CAMSAP2: variants seen among roughly 807,000 people sequenced by gnomAD.
CAMSAP2 encodes the protein calmodulin-regulated spectrin-associated protein 2.
A neutral mutation model predicts 146.1 loss-of-function variants in CAMSAP2; 26 were observed. The observed-to-expected ratio is 0.18, with a 90% CI of 0.13 to 0.25. The LOEUF (loss-of-function observed/expected upper bound fraction) is 0.25. Ranked by LOEUF, CAMSAP2 falls within the 10% of genes least tolerant of loss-of-function variation. The pLI is 1.00. For synonymous variants in CAMSAP2, 499 were observed against 596.6 expected, an observed-to-expected ratio of 0.84 and a Z score of 2.38; for missense variants, 1,381 against 1,759.3, an observed-to-expected ratio of 0.78 and a Z score of 3.85.
chr1:200,756,709 A>C (rs1052874184), intron 1 of CAMSAP2, among the ~76,000 whole-genome samples: 1 of 152,204 alleles, frequency 6.6e-6, no homozygotes, highest in Non-Finnish European at 1.5e-5. Flanking sequence ...GATTACTAGC[A>C]CAGAATCAGG....
At position 200,856,195 on chromosome 1, in the gene CAMSAP2, A is replaced by T. The variant is rs1413773386; in HGVS notation, c.4012+70A>T. Reference sequence around the variant, plus strand: ...CTCATAAATGGAGGGTGTACTAAAGAAAATTTTATTGGCTCACCTTTGGGT... The same window carrying T: ...CTCATAAATGGAGGGTGTACTAAAGTAAATTTTATTGGCTCACCTTTGGGT... On this transcript the variant is annotated intron_variant, in intron 15 of 16. Transcript: ENST00000358823. 7.2e-6 allele frequency: 8 copies of T among 1,114,904 alleles called. No individual in the cohort carries two copies. In the African/African-American group the frequency reaches 1.2e-4, roughly 17 times the overall value. 69.1% of individuals were successfully genotyped at this position (1,114,904 alleles called of 1,614,324 possible).
At chr1:200,807,643 C>G (rs1666215311) in intron 3 of CAMSAP2, 106 bp downstream of exon 3, 4 of 749,960 alleles carry the variant, frequency 5.3e-6, no homozygotes, top group Non-Finnish European at 7.5e-6. Context: ...AATCAAAGTG[C>G]AAACTTAAGT....
In CAMSAP2 at chr1:200,817,187, C is replaced by CATATAAGTGTGTGTATAT. The variant is rs1558192103; in HGVS notation, c.645+1544_645+1545insTATAAGTGTGTGTATATA. 9.4e-4 allele frequency among the ~76,000 whole-genome samples: 67 copies of CATATAAGTGTGTGTATAT among 71,598 alleles called. 2 individuals are homozygous for CATATAAGTGTGTGTATAT. The highest frequency in any genetic ancestry group is 1.2e-3 in the Admixed American group (9 of 7,356). 47.0% of individuals were successfully genotyped at this position (71,598 alleles called of 152,430 possible). The stretch of plus-strand genomic sequence containing the variant: ...ACACGTGTGTGTATATACACACACA[C>CATATAAGTGTGTGTATAT]ACATGTGTGTGTGTATACACACATA... On this transcript the variant is annotated intron_variant, in intron 4 of 16. Transcript: ENST00000358823.
At chr1:200,787,815 C>T (rs1192035133) in intron 2 of CAMSAP2, among the ~76,000 whole-genome samples, 1 of 152,188 alleles carries the variant, frequency 6.6e-6, no homozygotes, top group Non-Finnish European at 1.5e-5. Flanking sequence ...CCATCCCCTC[C>T]TTCAGCAATC....
Position 200,739,735 on chromosome 1 carries a change from A to G in CAMSAP2, c.-93A>G. 1 of 1,289,828 alleles carries G rather than the reference A, an allele frequency of 7.8e-7. No individual in the cohort carries two copies. Among genetic ancestry groups the G allele is most frequent in the South Asian group, 1.5e-5 (1 of 67,928 alleles). 79.9% of individuals were successfully genotyped at this position (1,289,828 alleles called of 1,614,324 possible). On this transcript the variant is annotated 5_prime_UTR_variant, in exon 1 of 17. The change abolishes the stop of an existing upstream ORF in the 5' untranslated region. Coordinates refer to ENST00000358823, the MANE Select transcript of CAMSAP2 (RefSeq NM_203459.4). The surrounding 1 kb of genome is among the most constrained non-coding windows in gnomAD (Gnocchi z 4.8). The stretch of plus-strand genomic sequence containing the variant: ...ACATCGCCCGGGCCCCGATGGTTTG[A>G]GCTTGCTTCTCCCTCCCTCCCGACC...
At chr1:200,792,253 C>A (rs954204559) in intron 2 of CAMSAP2, among the ~76,000 whole-genome samples, 1 of 152,096 alleles carries the variant, frequency 6.6e-6, no homozygotes, top group Non-Finnish European at 1.5e-5. Context: ...ATTTCATAAT[C>A]TGAAATAATT....
intron 2 of CAMSAP2, among the ~76,000 whole-genome samples, chr1:200,783,551 C>T (rs879501186): frequency 9.2e-5 from 14 of 152,122 alleles, no homozygotes; most frequent in Non-Finnish European, 1.3e-4. Context: ...GGCATGATCA[C>T]GGCTCACTGC....
At chr1:200,740,043 ATCCC>A in intron 1 of CAMSAP2, 77 bp downstream of exon 1, 3 of 1,501,978 alleles carry the variant, frequency 2.0e-6, no homozygotes, top group South Asian at 1.2e-5. Flanking sequence ...CGATTCTCGA[ATCCC>A]TCCCTCCCCG....
At chr1:200,816,097 C>T (rs1055437664) in intron 4 of CAMSAP2, among the ~76,000 whole-genome samples, 1 of 151,662 alleles carries the variant, frequency 6.6e-6, no homozygotes, top group African/African-American at 2.4e-5. Context: ...AGTTCAAGAC[C>T]AGCCTGACAA....
intron 2 of CAMSAP2, among the ~76,000 whole-genome samples, chr1:200,785,731 A>G (rs2103026401): frequency 1.3e-5 from 2 of 149,276 alleles, no homozygotes; most frequent in South Asian, 4.2e-4. Flanking sequence ...TCCGTTGTCC[A>G]GGCTGGAGTG....
At chr1:200,797,812 G>A (rs1271653613) in intron 2 of CAMSAP2, among the ~76,000 whole-genome samples, 32 of 120,272 alleles carry the variant, frequency 2.7e-4, no homozygotes, top group South Asian at 6.2e-4. Flanking sequence ...TAGGTCTAAC[G>A]TTTAAGTCTT....
chr1:200,837,345 GA>G, intron 6 of CAMSAP2, among the ~76,000 whole-genome samples: 1 of 152,042 alleles, frequency 6.6e-6, no homozygotes, highest in East Asian at 1.9e-4. Context: ...GTTGAATAGG[GA>G]GTCCTTCCCC....
rs543887294 is a variant in CAMSAP2 at position 200,795,997 on chromosome 1, G to C, written c.400-11379G>C. ...TAAAATAAAAATAGCAGTTTTGTGCGATCAGTTGTTTAAGCATATGTCATA... is the reference window on the plus strand; with the variant it reads ...TAAAATAAAAATAGCAGTTTTGTGCCATCAGTTGTTTAAGCATATGTCATA... On this transcript the variant is annotated intron_variant, in intron 2 of 16. Transcript: ENST00000358823. Among the ~76,000 whole-genome samples the C allele has an allele frequency of 7.9e-5, 12 of 152,224 alleles. No individual in the cohort carries two copies. In the East Asian group the frequency reaches 1.7e-3, roughly 22 times the overall value.
intron 2 of CAMSAP2, among the ~76,000 whole-genome samples, chr1:200,792,713 A>G (rs892784461): frequency 1.3e-5 from 2 of 152,242 alleles, no homozygotes; most frequent in Admixed American, 6.5e-5. Context: ...CATTTATATA[A>G]ACATTCTTGA....
At chr1:200,821,184 T>C in intron 4 of CAMSAP2, among the ~76,000 whole-genome samples, 1 of 151,828 alleles carries the variant, frequency 6.6e-6, no homozygotes, top group East Asian at 1.9e-4. Flanking sequence ...TCTTCTTCTT[T>C]TTTTTTTTTC....
At chr1:200,840,562 C>T (rs755348235) in intron 6 of CAMSAP2, among the ~76,000 whole-genome samples, 7 of 152,192 alleles carry the variant, frequency 4.6e-5, no homozygotes, top group Non-Finnish European at 1.0e-4. Flanking sequence ...CTGCGCCCAG[C>T]CTCTTTTCTT....
intron 3 of CAMSAP2, among the ~76,000 whole-genome samples, 155 bp from the exon 4 acceptor site, chr1:200,815,406 A>C (rs1034092603): frequency 7.2e-5 from 11 of 152,058 alleles, no homozygotes; most frequent in African/African-American, 2.7e-4. Context: ...TTTTTTTCTG[A>C]TTGTGAAGCT....
At chr1:200,790,918 C>G (rs1448160323) in intron 2 of CAMSAP2, among the ~76,000 whole-genome samples, 2 of 152,022 alleles carry the variant, frequency 1.3e-5, no homozygotes, top group Admixed American at 6.6e-5. Flanking sequence ...CATCTTGGCT[C>G]ACTGTAACCT....
rs1302427546 is a variant in CAMSAP2, at chr1:200,769,504, A to G, written c.399+8406A>G. 3.3e-5 allele frequency among the ~76,000 whole-genome samples: 5 copies of G among 152,128 alleles called. No individual in the cohort carries two copies. The South Asian group carries it at 1.0e-3, about 31-fold the overall frequency. On this transcript the variant is annotated intron_variant, in intron 2 of 16. Coordinates refer to ENST00000358823, the MANE Select transcript of CAMSAP2 (RefSeq NM_203459.4). ...CCCACAGGTTGAGGGCTTAGTCCCCAAGACTACCCCACCACCACACCAGTC... is the reference window on the plus strand; with the variant it reads ...CCCACAGGTTGAGGGCTTAGTCCCCGAGACTACCCCACCACCACACCAGTC...
Sources: gnomAD v4.1 joint callset for allele counts (sites outside exome capture counted in the v4.1 genomes callset) on GRCh38, gnomAD v4.1.1 for gene constraint, Gnocchi (gnomAD v3.1) non-coding constraint, MANE v1.5 for transcripts, NCBI Gene and HGNC (gene_info 2026-07-23, HGNC 2026-07-21) for gene names.